CDK14: variants seen among roughly 807,000 people sequenced by gnomAD.
The protein encoded by CDK14 is cyclin-dependent kinase 14.
A neutral mutation model predicts 60.7 loss-of-function variants in CDK14; 34 were observed. That is an observed-to-expected ratio of 0.56 (90% CI 0.43 to 0.75). The LOEUF (loss-of-function observed/expected upper bound fraction) is 0.75, where lower values mean the gene tolerates loss of function less well. Among genes scored for constraint, CDK14 ranks in the 30% least tolerant of loss-of-function variants. CDK14 has a pLI of 0.00. For synonymous variants in CDK14, 197 were observed against 203.7 expected (o/e 0.97, Z 0.28); for missense variants, 482 against 564.1 (o/e 0.85, Z 1.47).
intron 12 of CDK14, among the ~76,000 whole-genome samples, chr7:91,104,585 C>A (rs538029007): frequency 2.0e-5 from 3 of 152,150 alleles, no homozygotes; most frequent in Non-Finnish European, 4.4e-5. Context: ...TTGTCCAGTT[C>A]CCTTTTGCTA....
rs1238975758 is a variant in CDK14 at position 91,209,733 on chromosome 7, AAC to A, written c.*2599_*2600del. 5 of 152,638 alleles carry A rather than the reference AAC, an allele frequency of 3.3e-5. No homozygotes were observed. Among genetic ancestry groups the A allele is most frequent in the African/African-American group, 1.2e-4 (5 of 41,468 alleles). 9.5% of individuals were successfully genotyped at this position (152,638 alleles called of 1,614,324 possible). On this transcript the variant is annotated 3_prime_UTR_variant, in exon 15 of 15. Coordinates refer to ENST00000380050, the MANE Select transcript of CDK14 (RefSeq NM_001287135.2). ...CACTTAATTCCCATTTTCTTAAAATAACAGTTTTGTTGACTTAAAAATATGAG... is the reference window on the plus strand; with the variant it reads ...CACTTAATTCCCATTTTCTTAAAATAAGTTTTGTTGACTTAAAAATATGAG...
intron 5 of CDK14, among the ~76,000 whole-genome samples, chr7:90,797,163 C>G (rs1312599937): frequency 6.6e-6 from 1 of 151,774 alleles, no homozygotes; most frequent in Non-Finnish European, 1.5e-5. Flanking sequence ...GCCTGGGTAG[C>G]TTAAACAACA....
At chr7:90,803,974 A>T (rs1460302203) in intron 5 of CDK14, among the ~76,000 whole-genome samples, 1 of 152,192 alleles carries the variant, frequency 6.6e-6, no homozygotes, top group Non-Finnish European at 1.5e-5. Flanking sequence ...CTGGCACATG[A>T]TAGGCACTCA....
chr7:90,982,967 A>T (rs1438671080), intron 9 of CDK14, among the ~76,000 whole-genome samples: 1 of 152,228 alleles, frequency 6.6e-6, no homozygotes, highest in African/African-American at 2.4e-5. Flanking sequence ...ATCACTAATC[A>T]TCAGAGAAAT....
intron 4 of CDK14, among the ~76,000 whole-genome samples, chr7:90,781,374 C>A (rs1805312037): frequency 6.6e-6 from 1 of 151,976 alleles, no homozygotes; most frequent in African/African-American, 2.4e-5. Context: ...GTTGCCTGTT[C>A]ACTCTGATGG....
At chr7:90,640,366 A>G (rs116297299) in intron 2 of CDK14, among the ~76,000 whole-genome samples, 2,117 of 152,244 alleles carry the variant, frequency 0.014, 65 homozygotes, top group African/African-American at 0.046. Context: ...TAAAGCCTAG[A>G]GTTTTGTGGT....
At chr7:90,727,226 A>T (rs1802674318) in intron 3 of CDK14, among the ~76,000 whole-genome samples, 1 of 152,104 alleles carries the variant, frequency 6.6e-6, no homozygotes, top group Non-Finnish European at 1.5e-5. Flanking sequence ...GCGTTAATCC[A>T]GTTTTTTTTG....
rs1415697031 is a variant in CDK14, at chr7:90,774,433, A to G, written c.465-16140A>G. Among the ~76,000 whole-genome samples the G allele has an allele frequency of 2.0e-5, 3 of 152,348 alleles. No individual in the cohort carries two copies. The East Asian group carries it at 5.8e-4, about 29-fold the overall frequency. On this transcript the variant is annotated intron_variant, in intron 4 of 14. Coordinates refer to ENST00000380050, the MANE Select transcript of CDK14 (RefSeq NM_001287135.2). ...ACCCTTATTTTTAGAACAGACCTTT[A>G]GATTCAGGTAATCAGTGATGCCATA...
At chr7:90,871,276 A>G (rs982994406) in intron 6 of CDK14, among the ~76,000 whole-genome samples, 2 of 152,190 alleles carry the variant, frequency 1.3e-5, no homozygotes, top group Non-Finnish European at 2.9e-5. Flanking sequence ...GTAAAACGGT[A>G]TATTTGGTTT....
chr7:90,982,119 A>G (rs1795243689), intron 9 of CDK14, among the ~76,000 whole-genome samples: 1 of 152,164 alleles, frequency 6.6e-6, no homozygotes, highest in Admixed American at 6.5e-5. Flanking sequence ...CTAACTTGCT[A>G]GGTGGGAACT....
At chr7:91,062,552 G>A (rs981963586) in intron 11 of CDK14, among the ~76,000 whole-genome samples, 1 of 151,928 alleles carries the variant, frequency 6.6e-6, no homozygotes, top group African/African-American at 2.4e-5. Context: ...CACTCCCCCA[G>A]CATTTGAAAA....
At chr7:90,609,545 T>C (rs1172024093) in intron 2 of CDK14, among the ~76,000 whole-genome samples, 1 of 152,112 alleles carries the variant, frequency 6.6e-6, no homozygotes, top group Non-Finnish European at 1.5e-5. Context: ...ACCTCCCCCT[T>C]CGCTGTCTTG....
At chr7:90,740,331 T>C (rs1803296705) in intron 3 of CDK14, among the ~76,000 whole-genome samples, 1 of 151,868 alleles carries the variant, frequency 6.6e-6, no homozygotes, top group Admixed American at 6.6e-5. Flanking sequence ...TGTTATGGGC[T>C]GAATGGTGTT....
At chr7:90,952,116 A>T (rs1054945455) in intron 8 of CDK14, among the ~76,000 whole-genome samples, 2 of 152,192 alleles carry the variant, frequency 1.3e-5, no homozygotes, top group Non-Finnish European at 2.9e-5. Flanking sequence ...TATCTGAGAA[A>T]TAAAGGGAGA....
At chr7:91,103,375 A>T (rs139086273) in intron 12 of CDK14, among the ~76,000 whole-genome samples, 2 of 152,120 alleles carry the variant, frequency 1.3e-5, no homozygotes, top group Non-Finnish European at 2.9e-5. Context: ...CATCTTTTCA[A>T]CTTTGATGGT....
At chr7:90,642,416 T>G (rs1200391678) in intron 2 of CDK14, among the ~76,000 whole-genome samples, 1 of 152,252 alleles carries the variant, frequency 6.6e-6, no homozygotes, top group Non-Finnish European at 1.5e-5. Context: ...CTTTCTCATA[T>G]TTTGATGTTT....
At chr7:90,649,664 A>G (rs182321017) in intron 2 of CDK14, among the ~76,000 whole-genome samples, 93 of 151,486 alleles carry the variant, frequency 6.1e-4, no homozygotes, top group Non-Finnish European at 1.0e-3. Context: ...CCTGTGTCCA[A>G]GTGTTCTCAT....
In CDK14 at chr7:91,200,518, T is replaced by C. The variant is rs547776462; in HGVS notation, c.*29-6647T>C. On this transcript the variant is annotated intron_variant, in intron 14 of 14. Coordinates refer to ENST00000380050, the MANE Select transcript of CDK14 (RefSeq NM_001287135.2). ...TCCGGGACATTGTTCATGTGAAACC[T>C]TCTTGACATGGTACTTGGGGAAGGG... 9.8e-4 allele frequency among the ~76,000 whole-genome samples: 149 copies of C among 152,350 alleles called. 3 individuals are homozygous for C. In the South Asian group the frequency reaches 0.03, roughly 30 times the overall value.
At chr7:91,011,221 A>G (rs895413929) in intron 10 of CDK14, among the ~76,000 whole-genome samples, 13 of 152,058 alleles carry the variant, frequency 8.5e-5, no homozygotes, top group Non-Finnish European at 1.9e-4. Flanking sequence ...GTATCCTGGA[A>G]TAGGTATTGT....
Sources: allele counts gnomAD v4.1 joint callset (sites outside exome capture counted in the v4.1 genomes callset), GRCh38; gene constraint gnomAD v4.1.1; transcripts MANE v1.5; gene names NCBI Gene and HGNC (gene_info 2026-07-23, HGNC 2026-07-21).